The following FAT3 variants were observed in gnomAD, a reference collection of about 807,000 sequenced individuals.
The protein encoded by FAT3 is protocadherin Fat 3.
Under a neutral mutation model 310.2 loss-of-function variants are expected in FAT3, and 95 were observed. The observed-to-expected ratio is 0.31, with a 90% CI of 0.26 to 0.36. FAT3 has a LOEUF of 0.36. Ranked by LOEUF, FAT3 falls within the 10% of genes least tolerant of loss-of-function variation. FAT3 has a pLI of 1.00. For synonymous variants in FAT3, 2,314 were observed against 2,192.9 expected, an observed-to-expected ratio of 1.06 and a Z score of -1.54; for missense variants, 5,408 against 5,715.6, an observed-to-expected ratio of 0.95 and a Z score of 1.74.
chr11:92,872,004 C>G (rs1196950119), intron 22 of FAT3, among the ~76,000 whole-genome samples: 1 of 152,076 alleles, frequency 6.6e-6, no homozygotes, highest in Non-Finnish European at 1.5e-5. Context: ...CTTTGTACCC[C>G]AGTCAGGAGA....
At chr11:92,644,783 G>A (rs373133292) in intron 3 of FAT3, among the ~76,000 whole-genome samples, 1 of 152,222 alleles carries the variant, frequency 6.6e-6, no homozygotes, top group Non-Finnish European at 1.5e-5. Flanking sequence ...AGAGTCAGAA[G>A]TTAATTGAAG....
intron 2 of FAT3, among the ~76,000 whole-genome samples, chr11:92,500,643 A>G (rs542680341): frequency 1.3e-5 from 2 of 152,172 alleles, no homozygotes; most frequent in African/African-American, 4.8e-5. Context: ...CAGATGTGAC[A>G]GAACACACAT....
chr11:92,706,730 T>C (rs758513220), intron 4 of FAT3, among the ~76,000 whole-genome samples: 7 of 152,236 alleles, frequency 4.6e-5, no homozygotes, highest in Non-Finnish European at 1.0e-4. Flanking sequence ...GGGATGTAAT[T>C]AGTTTCTTAT....
At chr11:92,584,271 T>C (rs1313156367) in intron 3 of FAT3, among the ~76,000 whole-genome samples, 1 of 152,036 alleles carries the variant, frequency 6.6e-6, no homozygotes, top group Non-Finnish European at 1.5e-5. Context: ...GCAACTTTGC[T>C]TTGGCAATAA....
intron 4 of FAT3, among the ~76,000 whole-genome samples, chr11:92,707,350 C>T (rs1944387251): frequency 6.6e-6 from 1 of 152,202 alleles, no homozygotes; most frequent in Non-Finnish European, 1.5e-5. Flanking sequence ...GCTGTGCACA[C>T]AGGCCTTAGG....
chr11:92,524,997 A>C, intron 3 of FAT3, 49 bp downstream of exon 3: 1 of 1,435,968 alleles, frequency 7.0e-7, no homozygotes, highest in Middle Eastern at 1.8e-4. Context: ...TCCAGCCTTT[A>C]AATTCATCAG....
intron 1 of FAT3, among the ~76,000 whole-genome samples, chr11:92,277,633 C>T (rs1946308295): frequency 6.6e-6 from 1 of 152,064 alleles, no homozygotes; most frequent in Non-Finnish European, 1.5e-5. Flanking sequence ...AATGTTCCCA[C>T]TTGTAAGTGG....
At chr11:92,675,869 T>C (rs1299392804) in intron 3 of FAT3, among the ~76,000 whole-genome samples, 1 of 152,110 alleles carries the variant, frequency 6.6e-6, no homozygotes, top group East Asian at 1.9e-4. Context: ...CCCTTTTAGG[T>C]TGATTGGGTA....
At chr11:92,774,575 T>C (rs1200170939) in intron 7 of FAT3, among the ~76,000 whole-genome samples, 25 of 152,226 alleles carry the variant, frequency 1.6e-4, no homozygotes, top group Admixed American at 1.6e-3. Context: ...AGCTAAAGAA[T>C]ACCTAAGAGT....
At chr11:92,360,246 T>G (rs1948845086) in intron 2 of FAT3, among the ~76,000 whole-genome samples, 1 of 152,200 alleles carries the variant, frequency 6.6e-6, no homozygotes, top group Non-Finnish European at 1.5e-5. Context: ...ATGAGTGAAC[T>G]CCCATTCACA....
intron 17 of FAT3, 135 bp downstream of exon 17, chr11:92,837,941 G>A (rs1234286640): frequency 1.8e-6 from 2 of 1,087,732 alleles, no homozygotes; most frequent in African/African-American, 1.6e-5. Flanking sequence ...GTATGAAAAA[G>A]AACCTAGTTC....
intron 3 of FAT3, among the ~76,000 whole-genome samples, chr11:92,626,358 T>A (rs1253175625): frequency 3.3e-5 from 5 of 152,190 alleles, no homozygotes; most frequent in African/African-American, 1.2e-4. Context: ...ACCTGGGACT[T>A]TTTAGGTGAG....
At chr11:92,761,760 A>G in intron 4 of FAT3, 96 bp from the exon 5 acceptor site, 1 of 1,078,126 alleles carries the variant, frequency 9.3e-7, no homozygotes. Context: ...TGGATAGGAT[A>G]GCATTGTCCG....
rs1565206779 is a variant in FAT3 at position 92,293,544 on chromosome 11, AT to A, written c.-17-58551del. Among the ~76,000 whole-genome samples, 16 of 20,288 alleles carry A rather than the reference AT, an allele frequency of 7.9e-4. 1 individual carries two copies. Among genetic ancestry groups the A allele is most frequent in the African/African-American group, 1.6e-3 (9 of 5,740 alleles). 13.3% of individuals were successfully genotyped at this position (20,288 alleles called of 152,430 possible). A position where few individuals can be genotyped will look rare whatever the true frequency, so the allele number is the denominator to read the frequency against. On this transcript the variant is annotated intron_variant, in intron 1 of 27. Coordinates refer to ENST00000525166, the MANE Select transcript of FAT3 (RefSeq NM_001367949.2). ...TATATATATATATATATATATATAT[AT>A]ATATATAAATAAAATATATTCCTTC...
chr11:92,835,183 C>G, intron 15 of FAT3, 99 bp downstream of exon 15: 1 of 982,262 alleles, frequency 1.0e-6, no homozygotes, highest in Non-Finnish European at 1.5e-6. Context: ...TTTCTTCACA[C>G]TTCCCCCTTT....
intron 2 of FAT3, among the ~76,000 whole-genome samples, chr11:92,360,292 G>C (rs1204429018): frequency 6.6e-6 from 1 of 152,220 alleles, no homozygotes; most frequent in South Asian, 2.1e-4. Context: ...CTTTCTTAGA[G>C]CTCTGCGAAT....
intron 1 of FAT3, among the ~76,000 whole-genome samples, chr11:92,248,582 A>G (rs1865019281): frequency 6.6e-6 from 1 of 152,126 alleles, no homozygotes; most frequent in Non-Finnish European, 1.5e-5. Flanking sequence ...TGAGAATGCA[A>G]ACATTAAGAA....
intron 3 of FAT3, among the ~76,000 whole-genome samples, chr11:92,534,806 C>A (rs555016542): frequency 6.6e-6 from 1 of 152,276 alleles, no homozygotes; most frequent in African/African-American, 2.4e-5. Context: ...AAGAGAAAAA[C>A]ATACAAATGT....
At chr11:92,411,154 T>TATA (rs1407101576) in intron 2 of FAT3, among the ~76,000 whole-genome samples, 305 of 142,944 alleles carry the variant, frequency 2.1e-3, no homozygotes, top group African/African-American at 7.0e-3. Flanking sequence ...ATAAATTATA[T>TATA]ATATATAATA....
Sources: gnomAD v4.1 joint callset for allele counts (sites outside exome capture counted in the v4.1 genomes callset) on GRCh38, gnomAD v4.1.1 for gene constraint, MANE v1.5 for transcripts, NCBI Gene and HGNC (gene_info 2026-07-23, HGNC 2026-07-21) for gene names.